ROS1: variants seen among roughly 807,000 people sequenced by gnomAD.
ROS1 encodes ROS proto-oncogene 1, receptor tyrosine kinase, also known as proto-oncogene tyrosine-protein kinase ROS.
ROS1 carries 263 observed loss-of-function variants against 273.5 expected under a neutral mutation model. The observed-to-expected ratio is 0.96, with a 90% CI of 0.87 to 1.06. The LOEUF (loss-of-function observed/expected upper bound fraction) is 1.06, where lower values mean the gene tolerates loss of function less well. Among genes scored for constraint, ROS1 ranks in the 50% least tolerant of loss-of-function variants. The pLI is 0.00. For synonymous variants in ROS1, 1,008 were observed against 954.1 expected, an observed-to-expected ratio of 1.06 and a Z score of -1.04; for missense variants, 2,833 against 2,751.1, an observed-to-expected ratio of 1.03 and a Z score of -0.67.
At chr6:117,296,153 T>A (rs549648729) in intron 43 of ROS1, among the ~76,000 whole-genome samples, 1 of 152,112 alleles carries the variant, frequency 6.6e-6, no homozygotes, top group Non-Finnish European at 1.5e-5. Flanking sequence ...ATCCCAGCAC[T>A]TTGGGAGGCA....
At chr6:117,339,309 G>C (rs1777731688) in intron 31 of ROS1, among the ~76,000 whole-genome samples, 1 of 152,232 alleles carries the variant, frequency 6.6e-6, no homozygotes, top group East Asian at 1.9e-4. Context: ...CAAAAGATTG[G>C]ACACCCCTGA....
intron 43 of ROS1, among the ~76,000 whole-genome samples, chr6:117,298,180 A>G (rs1774401351): frequency 6.6e-6 from 1 of 151,520 alleles, no homozygotes; most frequent in South Asian, 2.1e-4. Context: ...CACATAGACT[A>G]GAGTATGAAA....
At chr6:117,334,390 T>C (rs1777313823) in intron 32 of ROS1, among the ~76,000 whole-genome samples, 1 of 152,070 alleles carries the variant, frequency 6.6e-6, no homozygotes, top group South Asian at 2.1e-4. Context: ...TGGACAGGAA[T>C]AATGAGTATC....
intron 5 of ROS1, among the ~76,000 whole-genome samples, chr6:117,407,479 C>G (rs764877627): frequency 5.9e-5 from 9 of 152,166 alleles, no homozygotes; most frequent in Non-Finnish European, 1.3e-4. Context: ...TGCTCAAAAT[C>G]TAACACTGAG....
chr6:117,396,270 C>T lies in ROS1; in HGVS notation c.807-6G>A. 6.2e-7 allele frequency: 1 copy of T among 1,609,252 alleles called. No individual in the cohort carries two copies. The highest frequency in any genetic ancestry group is 8.5e-7 in the Non-Finnish European group (1 of 1,175,892). ...TTACTGCTGCAATAGAAAACCTATT[C>T]CAAAAACAATTTGGAGAGACGTGTT... On this transcript the variant is annotated splice_region_variant and splice_polypyrimidine_tract_variant and intron_variant, in intron 8 of 43. Transcript: ENST00000368507.
At chr6:117,318,384 T>G (rs1199912370) in intron 37 of ROS1, 132 bp from the exon 38 acceptor site, 1 of 676,260 alleles carries the variant, frequency 1.5e-6, no homozygotes, top group Non-Finnish European at 2.6e-6. Context: ...AGATAAAACA[T>G]GTGCATGTAT....
chr6:117,396,135 C>A, intron 9 of ROS1, 53 bp downstream of exon 9: 1 of 1,448,872 alleles, frequency 6.9e-7, no homozygotes, highest in African/African-American at 1.4e-5. Context: ...GCTCTGAAAC[C>A]ACCCTTGCCA....
intron 11 of ROS1, among the ~76,000 whole-genome samples, chr6:117,393,728 CA>C (rs1353792056): frequency 8.6e-5 from 13 of 152,008 alleles, no homozygotes; most frequent in African/African-American, 2.4e-4. Context: ...CCACCACCAC[CA>C]ACAACAACAA....
intron 22 of ROS1, among the ~76,000 whole-genome samples, chr6:117,361,724 A>T (rs1296020622): frequency 6.6e-6 from 1 of 151,822 alleles, no homozygotes; most frequent in Admixed American, 6.6e-5. Flanking sequence ...TTATCAAAAT[A>T]ATTATTAAAT....
At chr6:117,377,054 T>C (rs1004483971) in intron 18 of ROS1, among the ~76,000 whole-genome samples, 2 of 152,122 alleles carry the variant, frequency 1.3e-5, no homozygotes, top group Admixed American at 6.5e-5. Flanking sequence ...AGTAGACAAA[T>C]ATATCAAAGG....
At chr6:117,362,575 C>A in intron 22 of ROS1, 28 bp downstream of exon 22, 1 of 1,601,360 alleles carries the variant, frequency 6.2e-7, no homozygotes, top group South Asian at 1.1e-5. Context: ...TATTAAGACT[C>A]TCATATCTTC....
chr6:117,383,412 GA>G lies in ROS1; in HGVS notation c.2385del (p.Leu796SerfsTer14). Reference protein sequence around the residue: ...NDMVVDSVGGYLYWTTLYSVE... With the variant: ...NDMVVDSVGGXLYWTTLYSVE... The stretch of plus-strand genomic sequence containing the variant: ...ACTGAATAGAGTGTGGTCCAGTAGA[GA>G]TATCCACCAACTGAATCCACCACCA... On this transcript the variant is annotated frameshift_variant, in exon 17 of 44. Transcript: ENST00000368507. LOFTEE classifies it high-confidence loss of function. 6.2e-7 allele frequency: 1 copy of G among 1,613,844 alleles called. No individual in the cohort carries two copies. Among genetic ancestry groups the G allele is most frequent in the Non-Finnish European group, 8.5e-7 (1 of 1,179,766 alleles).
At chr6:117,291,958 T>C (rs923497391) in intron 43 of ROS1, among the ~76,000 whole-genome samples, 2 of 150,654 alleles carry the variant, frequency 1.3e-5, no homozygotes, top group African/African-American at 4.9e-5. Flanking sequence ...TCTGTGACAT[T>C]TTTTTTTTCT....
chr6:117,406,331 G>A (rs1774402630), intron 5 of ROS1, among the ~76,000 whole-genome samples: 1 of 151,964 alleles, frequency 6.6e-6, no homozygotes, highest in African/African-American at 2.4e-5. Context: ...AGTGAACATA[G>A]CATACTCACC....
intron 2 of ROS1, 61 bp from the exon 3 acceptor site, chr6:117,416,378 C>T: frequency 2.8e-6 from 3 of 1,090,568 alleles, no homozygotes; most frequent in South Asian, 1.3e-5. Context: ...TTTCTTGTCA[C>T]CTGAAAGTAC....
At chr6:117,424,747 A>G (rs1582920271) in intron 1 of ROS1, among the ~76,000 whole-genome samples, 2 of 152,270 alleles carry the variant, frequency 1.3e-5, no homozygotes, top group East Asian at 3.9e-4. Context: ...TCTATCTCCA[A>G]TACTTTAGAA....
chr6:117,331,284 A>G (rs964242751), intron 32 of ROS1, among the ~76,000 whole-genome samples: 5 of 152,208 alleles, frequency 3.3e-5, no homozygotes, highest in Non-Finnish European at 5.9e-5. Flanking sequence ...TGCTGACAAG[A>G]AGAGAGAAAA....
At chr6:117,402,885 C>A in intron 7 of ROS1, among the ~76,000 whole-genome samples, 1 of 84,038 alleles carries the variant, frequency 1.2e-5, no homozygotes, top group Admixed American at 1.0e-4. Context: ...AAGACTCTGT[C>A]TCCAAAAAAA....
Position 117,288,354 on chromosome 6 carries a change from A to G in ROS1, c.*138T>C. On this transcript the variant is annotated 3_prime_UTR_variant, in exon 44 of 44. Transcript: ENST00000368507. Reference sequence around the variant, plus strand: ...TGAAACCAAATGGCTCTCAGAACCAAGATTAGAAATCAGGAACGTTGCATT... The same window carrying G: ...TGAAACCAAATGGCTCTCAGAACCAGGATTAGAAATCAGGAACGTTGCATT... 1.2e-6 allele frequency: 1 copy of G among 827,796 alleles called. No individual in the cohort carries two copies. The allele number at this position is 827,796 out of a possible 1,614,324, so 51.3% of individuals were successfully genotyped here. A position where few individuals can be genotyped will look rare whatever the true frequency, so the allele number is the denominator to read the frequency against.
Sources: allele counts gnomAD v4.1 joint callset (sites outside exome capture counted in the v4.1 genomes callset), GRCh38; gene constraint gnomAD v4.1.1; transcripts MANE v1.5; gene names NCBI Gene and HGNC (gene_info 2026-07-23, HGNC 2026-07-21).